Variants in NUDCD3 observed in about 807,000 individuals in gnomAD.
NUDCD3 encodes the protein nudC domain-containing protein 3.
In NUDCD3, 13 loss-of-function variants were observed where a neutral mutation model predicts 39.7. That is an observed-to-expected ratio of 0.33 (90% CI 0.21 to 0.52). NUDCD3 has a LOEUF of 0.52. NUDCD3 is among the 20% of genes least tolerant of loss of function. The pLI is 0.96. For missense variants in NUDCD3, 453 were observed against 458.1 expected (o/e 0.99, Z 0.10); for synonymous variants, 175 against 172.4 (o/e 1.02, Z -0.12).
chr7:44,462,678 T>A (rs193117911), intron 2 of NUDCD3, among the ~76,000 whole-genome samples: 72 of 152,304 alleles, frequency 4.7e-4, no homozygotes, highest in African/African-American at 1.7e-3. Context: ...ATGGGCACTG[T>A]CCCCTGCCCT....
At chr7:44,399,185 G>A (rs1371413808) in intron 4 of NUDCD3, among the ~76,000 whole-genome samples, 2 of 152,178 alleles carry the variant, frequency 1.3e-5, no homozygotes, top group African/African-American at 2.4e-5. Context: ...ACCATTAGCC[G>A]GCTCTGCTCA....
intron 2 of NUDCD3, 102 bp downstream of exon 2, chr7:44,484,866 G>T: frequency 1.2e-6 from 1 of 866,980 alleles, no homozygotes; most frequent in South Asian, 1.8e-5. Flanking sequence ...TAAATACTGA[G>T]ATCAAGAATT....
chr7:44,450,179 AT>A (rs374708841), intron 2 of NUDCD3, among the ~76,000 whole-genome samples: 1,602 of 144,132 alleles, frequency 0.011, 7 homozygotes, highest in African/African-American at 0.026. Flanking sequence ...AGAATGTCTA[AT>A]TTTTTTTTTT....
At chr7:44,397,785 T>C (rs1031784129) in intron 4 of NUDCD3, among the ~76,000 whole-genome samples, 3 of 152,150 alleles carry the variant, frequency 2.0e-5, no homozygotes, top group African/African-American at 7.2e-5. Context: ...ATAGGTTGCA[T>C]TCATCTTGGC....
chr7:44,412,767 T>C (rs1203323105), intron 3 of NUDCD3, among the ~76,000 whole-genome samples: 1 of 151,388 alleles, frequency 6.6e-6, no homozygotes, highest in Non-Finnish European at 1.5e-5. Flanking sequence ...CTCTACTAAA[T>C]ATACAAAAAA....
chr7:44,406,124 T>C (rs80138055), intron 3 of NUDCD3, among the ~76,000 whole-genome samples: 2,198 of 152,234 alleles, frequency 0.014, 21 homozygotes, highest in Non-Finnish European at 0.023. Flanking sequence ...AAATGAAAGA[T>C]AGTTCCTGAG....
rs553223514 is a variant in NUDCD3 at position 44,404,402 on chromosome 7, T to C, written c.786+38A>G. ...AAGGGGCATCACTGCAGGTTTGAAG[T>C]CCACCTGGGAGCCCTACACACAGGT... On this transcript the variant is annotated intron_variant, in intron 4 of 5. Coordinates refer to ENST00000355451, the MANE Select transcript of NUDCD3 (RefSeq NM_015332.4). 7.1e-5 allele frequency: 113 copies of C among 1,601,918 alleles called. 3 individuals are homozygous for C. In the South Asian group the frequency reaches 1.2e-3, roughly 17 times the overall value.
chr7:44,397,798 T>C (rs1798651034), intron 4 of NUDCD3, among the ~76,000 whole-genome samples: 1 of 152,162 alleles, frequency 6.6e-6, no homozygotes, highest in Non-Finnish European at 1.5e-5. Context: ...ATCTTGGCCC[T>C]TTGTCCTGAG....
At chr7:44,397,842 G>T (rs1472606716) in intron 4 of NUDCD3, among the ~76,000 whole-genome samples, 1 of 152,036 alleles carries the variant, frequency 6.6e-6, no homozygotes, top group Non-Finnish European at 1.5e-5. Context: ...AACTTATGAT[G>T]ATTTACGGAA....
intron 2 of NUDCD3, among the ~76,000 whole-genome samples, chr7:44,469,204 T>C (rs1200066086): frequency 6.7e-6 from 1 of 150,174 alleles, no homozygotes; most frequent in Non-Finnish European, 1.5e-5. Flanking sequence ...TTCAACCCTA[T>C]GAGGAAGTGA....
At chr7:44,454,263 C>T (rs1799849794) in intron 2 of NUDCD3, among the ~76,000 whole-genome samples, 1 of 152,046 alleles carries the variant, frequency 6.6e-6, no homozygotes, top group Non-Finnish European at 1.5e-5. Context: ...GGCATGAACC[C>T]GTGAGGCGGA....
At chr7:44,449,898 G>C (rs529179104) in intron 2 of NUDCD3, among the ~76,000 whole-genome samples, 6 of 137,378 alleles carry the variant, frequency 4.4e-5, no homozygotes, top group South Asian at 4.7e-4. Context: ...TCAAAATAAA[G>C]AACTTCTGCT....
At position 44,380,944 on chromosome 7, in the gene NUDCD3, A is replaced by T. The variant is rs1214156812; in HGVS notation, c.*5067T>A. ...GAGGCAAGAGCCTGTCTCTGCAGTA[A>T]GAAGGGCTTGGGGCAGTGCTCCGCT... is the stretch of plus-strand genomic sequence containing the variant. On this transcript the variant is annotated 3_prime_UTR_variant, in exon 6 of 6. Transcript: ENST00000355451. 6.6e-6 allele frequency: 1 copy of T among 152,352 alleles called. No homozygotes were observed. Among genetic ancestry groups the T allele is most frequent in the Non-Finnish European group, 1.5e-5 (1 of 68,112 alleles). 9.4% of individuals were successfully genotyped at this position (152,352 alleles called of 1,614,324 possible).
intron 4 of NUDCD3, chr7:44,402,653 C>T (rs1288102050): frequency 8.8e-6 from 4 of 456,472 alleles, no homozygotes; most frequent in South Asian, 1.5e-5. Flanking sequence ...AAGAGCTCCT[C>T]GCTCAGAGGG....
In NUDCD3 at chr7:44,415,357, T is replaced by C. The variant is rs186201119; in HGVS notation, c.643-10774A>G. ...GAAGAGAGAGAGAGAGGGAGTCAGC[T>C]GCTTTTCCTAAACAGAGCAGAGTAG... On this transcript the variant is annotated intron_variant, in intron 3 of 5. Coordinates refer to ENST00000355451, the MANE Select transcript of NUDCD3 (RefSeq NM_015332.4). Among the ~76,000 whole-genome samples the C allele has an allele frequency of 2.5e-3, 383 of 152,330 alleles. 2 individuals are homozygous for C. Among genetic ancestry groups the C allele is most frequent in the South Asian group, 0.01 (49 of 4,824 alleles).
intron 4 of NUDCD3, among the ~76,000 whole-genome samples, chr7:44,396,286 A>T (rs1798623726): frequency 6.6e-6 from 1 of 152,234 alleles, no homozygotes; most frequent in Admixed American, 6.5e-5. Flanking sequence ...TGGGGCAGCA[A>T]ACAGGACCTG....
At chr7:44,453,827 T>A (rs1799839909) in intron 2 of NUDCD3, among the ~76,000 whole-genome samples, 1 of 151,694 alleles carries the variant, frequency 6.6e-6, no homozygotes, top group South Asian at 2.1e-4. Flanking sequence ...TAGGATTGCT[T>A]GAGCCCAGGA....
At chr7:44,448,840 G>A (rs1799735533) in intron 2 of NUDCD3, among the ~76,000 whole-genome samples, 1 of 152,200 alleles carries the variant, frequency 6.6e-6, no homozygotes, top group African/African-American at 2.4e-5. Flanking sequence ...TGCTCATTTT[G>A]TTCAGAATAT....
chr7:44,406,326 A>T (rs1798820279), intron 3 of NUDCD3, among the ~76,000 whole-genome samples: 1 of 152,232 alleles, frequency 6.6e-6, no homozygotes. Context: ...TTACTTGGCT[A>T]GTCCTATTGA....
Sources: allele counts gnomAD v4.1 joint callset (sites outside exome capture counted in the v4.1 genomes callset), GRCh38; gene constraint gnomAD v4.1.1; transcripts MANE v1.5; gene names NCBI Gene and HGNC (gene_info 2026-07-23, HGNC 2026-07-21).